The following STAM variants were observed in gnomAD, a reference collection of about 807,000 sequenced individuals.
STAM encodes signal transducing adaptor molecule, also known as signal transducing adapter molecule 1.
Under a neutral mutation model 63.4 loss-of-function variants are expected in STAM, and 16 were observed. The ratio of observed to expected loss-of-function variants is 0.25; its 90% CI spans 0.17 to 0.38. The LOEUF (loss-of-function observed/expected upper bound fraction) is 0.38, where lower values mean the gene tolerates loss of function less well. STAM is among the 10% of genes least tolerant of loss of function. The pLI, the probability that STAM is intolerant of heterozygous loss-of-function variation, is 1.00. For synonymous variants in STAM, 238 were observed against 223.9 expected (o/e 1.06, Z -0.56); for missense variants, 636 against 657.1 (o/e 0.97, Z 0.35).
At chr10:17,667,481 A>G (rs1834442707) in intron 2 of STAM, among the ~76,000 whole-genome samples, 1 of 152,170 alleles carries the variant, frequency 6.6e-6, no homozygotes, top group Admixed American at 6.6e-5. Context: ...GTTTCGTAAC[A>G]TGGCAGAATT....
At chr10:17,667,611 G>A (rs1236121810) in intron 2 of STAM, among the ~76,000 whole-genome samples, 2 of 152,200 alleles carry the variant, frequency 1.3e-5, no homozygotes, top group Non-Finnish European at 2.9e-5. Flanking sequence ...AGCCTTTGCC[G>A]TCAATGGTGC....
rs1172603008 is a variant in STAM at position 17,716,346 on chromosome 10, C to T, written c.*1566C>T. Among the ~76,000 whole-genome samples the T allele has an allele frequency of 6.7e-6, 1 of 148,360 alleles. No homozygotes were observed. The highest frequency in any genetic ancestry group is 1.5e-5 in the Non-Finnish European group (1 of 67,020). On this transcript the variant is annotated 3_prime_UTR_variant, in exon 14 of 14. Coordinates refer to ENST00000377524, the MANE Select transcript of STAM (RefSeq NM_003473.4). The stretch of plus-strand genomic sequence containing the variant: ...TAATTTCACAGACTCAGATTTAAAG[C>T]ACCGTAGTTTTAAATCTGAGCCTGT...
chr10:17,662,591 A>G (rs1183231754), intron 2 of STAM, among the ~76,000 whole-genome samples: 1 of 152,240 alleles, frequency 6.6e-6, no homozygotes, highest in East Asian at 1.9e-4. Flanking sequence ...ATGGGAAAGA[A>G]GCAAATAGCT....
chr10:17,649,118 C>T (rs1221889883), intron 1 of STAM, among the ~76,000 whole-genome samples: 1 of 152,190 alleles, frequency 6.6e-6, no homozygotes, highest in Non-Finnish European at 1.5e-5. Context: ...AAATATCCTT[C>T]TTGGGCTGAA....
At chr10:17,675,654 A>C (rs1293756755) in intron 2 of STAM, among the ~76,000 whole-genome samples, 1 of 152,238 alleles carries the variant, frequency 6.6e-6, no homozygotes, top group Non-Finnish European at 1.5e-5. Flanking sequence ...ACTAGGCTAG[A>C]CTATGAACTT....
At chr10:17,694,690 T>C (rs1554827203) in intron 6 of STAM, among the ~76,000 whole-genome samples, 1 of 152,170 alleles carries the variant, frequency 6.6e-6, no homozygotes, top group East Asian at 1.9e-4. Context: ...TTCTTGACTT[T>C]CCAGGCAGTT....
In STAM at chr10:17,693,231, C is replaced by A; in HGVS notation, c.454C>A (p.Gln152Lys). 6.2e-7 allele frequency: 1 copy of A among 1,613,282 alleles called. No individual in the cohort carries two copies. The highest frequency in any genetic ancestry group is 8.5e-7 in the Non-Finnish European group (1 of 1,179,636). Residue 152 changes from glutamine (Q) to lysine (K), a missense_variant, in exon 6 of 14, where the codon CAA becomes AAA. By Grantham distance (53) the Gln-to-Lys change is moderately conservative. This residue lies in a region of STAM where 532 missense variants were observed against 536.9 expected (regional missense o/e 0.99). Coordinates refer to ENST00000377524, the MANE Select transcript of STAM (RefSeq NM_003473.4). ...TCCTCTTTTTTGTTAGGCTGCAGAA[C>A]AAGCAAAAGCAAGCCCAGCTCTTGT... ...FPAIGSQAAE[Q>K]AKASPALVAK...
intron 12 of STAM, among the ~76,000 whole-genome samples, chr10:17,707,375 A>C (rs1332137398): frequency 6.6e-6 from 1 of 152,062 alleles, no homozygotes; most frequent in South Asian, 2.1e-4. Context: ...GTGCCATTGC[A>C]CTCCAGCCTG....
At chr10:17,686,484 C>G (rs781799049) in intron 4 of STAM, among the ~76,000 whole-genome samples, 4 of 150,396 alleles carry the variant, frequency 2.7e-5, no homozygotes, top group Non-Finnish European at 5.9e-5. Flanking sequence ...TCAAGTGATT[C>G]TCCTGCCTCA....
intron 2 of STAM, among the ~76,000 whole-genome samples, chr10:17,667,519 T>C (rs1834444345): frequency 6.6e-6 from 1 of 152,256 alleles, no homozygotes; most frequent in Non-Finnish European, 1.5e-5. Flanking sequence ...TCTCTTTGCG[T>C]TCGTCATTTT....
At chr10:17,645,604 T>G (rs1217750742) in intron 1 of STAM, among the ~76,000 whole-genome samples, 1 of 152,216 alleles carries the variant, frequency 6.6e-6, no homozygotes, top group Non-Finnish European at 1.5e-5. Flanking sequence ...TTTATGTGGT[T>G]GGCACTTACT....
chr10:17,690,284 T>C (rs527612700), intron 5 of STAM, among the ~76,000 whole-genome samples: 32 of 152,330 alleles, frequency 2.1e-4, no homozygotes, highest in African/African-American at 7.7e-4. Context: ...GAGTGAATGC[T>C]GGCAAGAGCA....
In STAM at chr10:17,672,170, A is replaced by G. The variant is rs188423479; in HGVS notation, c.125+11622A>G. 1.5e-4 allele frequency among the ~76,000 whole-genome samples: 23 copies of G among 152,316 alleles called. No homozygotes were observed. In the East Asian group the frequency reaches 4.4e-3, roughly 29 times the overall value. On this transcript the variant is annotated intron_variant, in intron 2 of 13. Transcript: ENST00000377524. ...AGCAATGGAAATACCTTTTCAGATAATCTCACTAACTGGTGACCGCGCCTA... is the reference window on the plus strand; with the variant it reads ...AGCAATGGAAATACCTTTTCAGATAGTCTCACTAACTGGTGACCGCGCCTA...
chr10:17,708,081 G>A (rs188945839), intron 12 of STAM, among the ~76,000 whole-genome samples: 1,898 of 152,108 alleles, frequency 0.012, 45 homozygotes, highest in African/African-American at 0.044. Flanking sequence ...TAGTAGAGAC[G>A]GGGTTTCACT....
chr10:17,713,141 T>C (rs1836633667), intron 13 of STAM, among the ~76,000 whole-genome samples: 1 of 152,190 alleles, frequency 6.6e-6, no homozygotes, highest in Non-Finnish European at 1.5e-5. Context: ...CACTTGCTGG[T>C]GACCATTCTC....
At chr10:17,663,220 TTTA>T (rs781805244) in intron 2 of STAM, among the ~76,000 whole-genome samples, 34 of 152,188 alleles carry the variant, frequency 2.2e-4, no homozygotes, top group Non-Finnish European at 3.4e-4. Context: ...CCCAGAAATG[TTTA>T]TTATTATTTT....
At chr10:17,646,481 A>G (rs113825437) in intron 1 of STAM, among the ~76,000 whole-genome samples, 35 of 152,322 alleles carry the variant, frequency 2.3e-4, no homozygotes, top group African/African-American at 8.4e-4. Context: ...ATTATTTAGC[A>G]TTCAAGATAG....
At chr10:17,664,761 G>T (rs1834309974) in intron 2 of STAM, among the ~76,000 whole-genome samples, 1 of 152,076 alleles carries the variant, frequency 6.6e-6, no homozygotes, top group Non-Finnish European at 1.5e-5. Flanking sequence ...AGTGATTTGT[G>T]TTTCAGGCAA....
chr10:17,665,453 A>C (rs1834337801), intron 2 of STAM, among the ~76,000 whole-genome samples: 1 of 152,094 alleles, frequency 6.6e-6, no homozygotes, highest in Admixed American at 6.5e-5. Context: ...TTTTACACAA[A>C]TGTGAATACA....
Sources: gnomAD v4.1 joint callset for allele counts (sites outside exome capture counted in the v4.1 genomes callset) on GRCh38, gnomAD v4.1.1 for gene constraint, gnomAD v4.1.1 regional missense constraint, MANE v1.5 for transcripts, NCBI Gene and HGNC (gene_info 2026-07-23, HGNC 2026-07-21) for gene names.